Variants in ITGA8 observed in about 807,000 individuals in gnomAD.
The protein encoded by ITGA8 is integrin subunit alpha 8.
In ITGA8, 91 loss-of-function variants were observed where a neutral mutation model predicts 142.3. That is an observed-to-expected ratio of 0.64 (90% CI 0.54 to 0.76). The LOEUF (loss-of-function observed/expected upper bound fraction) is 0.76. Ranked by LOEUF, ITGA8 falls within the 30% of genes least tolerant of loss-of-function variation. The probability of loss-of-function intolerance (pLI) is 0.00; values close to 1 mark genes in which losing one functional copy is unlikely to be tolerated. For synonymous variants in ITGA8, 505 were observed against 485.2 expected, an observed-to-expected ratio of 1.04 and a Z score of -0.54; for missense variants, 1,406 against 1,327.7, an observed-to-expected ratio of 1.06 and a Z score of -0.92.
chr10:15,540,774 C>A (rs1281027461), intron 27 of ITGA8, among the ~76,000 whole-genome samples: 2 of 152,124 alleles, frequency 1.3e-5, no homozygotes, highest in African/African-American at 4.8e-5. Flanking sequence ...CTGGTCACAA[C>A]CCTGATGACT....
At chr10:15,696,146 C>T (rs1433394027) in intron 2 of ITGA8, among the ~76,000 whole-genome samples, 1 of 152,186 alleles carries the variant, frequency 6.6e-6, no homozygotes, top group Non-Finnish European at 1.5e-5. Flanking sequence ...CGGGTTACCC[C>T]GGGAGGACTG....
At chr10:15,619,046 T>TATC (rs1262024104) in intron 13 of ITGA8, among the ~76,000 whole-genome samples, 1 of 152,160 alleles carries the variant, frequency 6.6e-6, no homozygotes, top group African/African-American at 2.4e-5. Flanking sequence ...CCAGCTTCCT[T>TATC]ATCAGTCAAG....
At position 15,555,735 on chromosome 10, in the gene ITGA8, G is replaced by C. The variant is rs1411207049; in HGVS notation, c.2766+2339C>G. Among the ~76,000 whole-genome samples the C allele has an allele frequency of 6.0e-5, 9 of 149,888 alleles. No homozygotes were observed. In the South Asian group the frequency reaches 1.7e-3, roughly 29 times the overall value. The stretch of plus-strand genomic sequence containing the variant: ...TTTTGAGACGGAGTCTCGCTCTGTT[G>C]CCCAGGCTGGAGTGCAGTGGCGCGA... On this transcript the variant is annotated intron_variant, in intron 26 of 29. Transcript: ENST00000378076.
At chr10:15,649,219 A>G (rs12219933) in intron 11 of ITGA8, among the ~76,000 whole-genome samples, 14,423 of 152,100 alleles carry the variant, frequency 0.095, 919 homozygotes, top group East Asian at 0.3. Flanking sequence ...TTAAAAATTA[A>G]CCCCATGAGG....
At chr10:15,694,035 A>T (rs1331365957) in intron 2 of ITGA8, among the ~76,000 whole-genome samples, 1 of 149,880 alleles carries the variant, frequency 6.7e-6, no homozygotes, top group Non-Finnish European at 1.5e-5. Context: ...TTACAACTAC[A>T]TGAAGGTCAA....
intron 2 of ITGA8, among the ~76,000 whole-genome samples, chr10:15,699,794 G>A (rs1835128026): frequency 6.6e-6 from 1 of 152,192 alleles, no homozygotes; most frequent in Non-Finnish European, 1.5e-5. Flanking sequence ...TAGCAGTGGA[G>A]GAGTGAGGGA....
chr10:15,624,856 C>T lies in ITGA8; in HGVS notation c.1400-8297G>A, dbSNP rs114400454. ...TGTCCAATGGTGGGGTTACAGATGG[C>T]GGATACATCTGGCAATGTCCACTTG... On this transcript the variant is annotated intron_variant, in intron 13 of 29. Transcript: ENST00000378076. Among the ~76,000 whole-genome samples the T allele has an allele frequency of 7.3e-3, 1,113 of 152,160 alleles. 14 individuals are homozygous for T. Among genetic ancestry groups the T allele is most frequent in the African/African-American group, 0.025 (1,042 of 41,526 alleles).
At chr10:15,606,137 A>G in intron 18 of ITGA8, 148 bp downstream of exon 18, 2 of 684,048 alleles carry the variant, frequency 2.9e-6, no homozygotes, top group Non-Finnish European at 2.4e-6. Flanking sequence ...GCAGTGTTTC[A>G]GGAAACATGG....
chr10:15,571,176 C>A (rs1182985285), intron 25 of ITGA8, among the ~76,000 whole-genome samples: 1 of 152,042 alleles, frequency 6.6e-6, no homozygotes, highest in East Asian at 1.9e-4. Flanking sequence ...ACTAATGAAC[C>A]CCCTTTAGTC....
In ITGA8 at chr10:15,593,839, A is replaced by ATTTTTTTTTT. The variant is rs35907545; in HGVS notation, c.2212-1545_2212-1536dup. ...GCTAAGGCATTACGCCCCAGCAAAGATTTTTTTTTTTTTTTTTTTTGAGAC... is the reference window on the plus strand; with the variant it reads ...GCTAAGGCATTACGCCCCAGCAAAGATTTTTTTTTTTTTTTTTTTTTTTTTTTTTTGAGAC... On this transcript the variant is annotated intron_variant, in intron 21 of 29. Transcript: ENST00000378076. Among the ~76,000 whole-genome samples, 280 of 137,266 alleles carry ATTTTTTTTTT rather than the reference A, an allele frequency of 2.0e-3. 4 individuals are homozygous for ATTTTTTTTTT. The highest frequency in any genetic ancestry group is 7.8e-3 in the African/African-American group (273 of 34,954). 90.1% of individuals were successfully genotyped at this position (137,266 alleles called of 152,430 possible). A position where few individuals can be genotyped will look rare whatever the true frequency, so the allele number is the denominator to read the frequency against.
chr10:15,719,590 A>G lies in ITGA8; in HGVS notation c.182T>C (p.Val61Ala). The G allele has an allele frequency of 6.4e-7, 1 of 1,562,316 alleles. No individual in the cohort carries two copies. Among genetic ancestry groups the G allele is most frequent in the South Asian group, 1.2e-5 (1 of 84,238 alleles). ...GPKGSYFGYA[V>A]DFHIPDARTA... ...GCGGGCGTCGGGTATGTGGAAGTCC[A>G]CGGCGTAGCCGAAGTAGCTGCCCTT... Residue 61 changes from valine (V) to alanine (A), a missense_variant, in exon 1 of 30, where the codon GTG becomes GCG. Coordinates refer to ENST00000378076, the MANE Select transcript of ITGA8 (RefSeq NM_003638.3).
intron 6 of ITGA8, among the ~76,000 whole-genome samples, chr10:15,673,954 A>C (rs1834578097): frequency 6.7e-6 from 1 of 148,778 alleles, no homozygotes; most frequent in Non-Finnish European, 1.5e-5. Context: ...ATCTAAGGCA[A>C]AAGTGTGATA....
intron 28 of ITGA8, 82 bp from the exon 29 acceptor site, chr10:15,519,494 G>A (rs368196569): frequency 2.1e-6 from 3 of 1,441,212 alleles, no homozygotes; most frequent in East Asian, 2.3e-5. Context: ...TACAACATCG[G>A]AAGTTGATCT....
intron 5 of ITGA8, among the ~76,000 whole-genome samples, chr10:15,678,399 C>G (rs545057118): frequency 2.5e-3 from 384 of 152,182 alleles, no homozygotes; most frequent in African/African-American, 8.9e-3. Flanking sequence ...TTCATGTGAT[C>G]TTTTTAAGAA....
At chr10:15,677,560 A>C in intron 6 of ITGA8, 32 bp downstream of exon 6, 1 of 1,597,598 alleles carries the variant, frequency 6.3e-7, no homozygotes, top group Non-Finnish European at 8.6e-7. Context: ...GTAACAACAA[A>C]TGTGCTTTTC....
intron 9 of ITGA8, 41 bp downstream of exon 9, chr10:15,660,838 A>G (rs1329775920): frequency 6.5e-7 from 1 of 1,538,876 alleles, no homozygotes; most frequent in Admixed American, 1.7e-5. Flanking sequence ...GCACCTATAC[A>G]AGAAAATACC....
intron 22 of ITGA8, among the ~76,000 whole-genome samples, chr10:15,591,921 G>T (rs990887006): frequency 1.3e-5 from 2 of 152,156 alleles, no homozygotes; most frequent in Non-Finnish European, 2.9e-5. Flanking sequence ...TGGGAATTAG[G>T]GTGGGGAAAG....
chr10:15,581,946 G>T (rs185277527), intron 23 of ITGA8, among the ~76,000 whole-genome samples: 46 of 152,306 alleles, frequency 3.0e-4, no homozygotes, highest in South Asian at 1.2e-3. Context: ...AGGTATTCAT[G>T]TGTAAAAGTG....
intron 13 of ITGA8, among the ~76,000 whole-genome samples, chr10:15,623,613 G>C (rs1031884931): frequency 3.3e-5 from 5 of 152,162 alleles, no homozygotes; most frequent in Admixed American, 2.0e-4. Flanking sequence ...TTGAACCCAG[G>C]AGATGGAGGT....
Sources: allele counts gnomAD v4.1 joint callset (sites outside exome capture counted in the v4.1 genomes callset), GRCh38; gene constraint gnomAD v4.1.1; transcripts MANE v1.5; gene names NCBI Gene and HGNC (gene_info 2026-07-23, HGNC 2026-07-21).